STARD3: variants seen among roughly 807,000 people sequenced by gnomAD.
The protein encoded by STARD3 is StAR related lipid transfer domain containing 3, also known as stAR-related lipid transfer protein 3.
In STARD3, 39 loss-of-function variants were observed where a neutral mutation model predicts 62.0. The observed-to-expected ratio is 0.63, with a 90% CI of 0.49 to 0.82. The LOEUF is 0.82. STARD3 is among the 40% of genes least tolerant of loss of function. The pLI, the probability that STARD3 is intolerant of heterozygous loss-of-function variation, is 0.00. For synonymous variants in STARD3, 229 were observed against 242.4 expected (o/e 0.94, Z 0.51); for missense variants, 543 against 584.5 (o/e 0.93, Z 0.73).
Position 39,658,749 on chromosome 17 carries a change from C to A in STARD3, c.575C>A (p.Ala192Asp), listed in dbSNP as rs1395879303. 3 of 1,613,964 alleles carry A rather than the reference C, an allele frequency of 1.9e-6. No homozygotes were observed. In the South Asian group the frequency reaches 3.3e-5, roughly 18 times the overall value. The change falls in exon 7 of 15, where the codon GCC becomes GAC. Residue 192 changes from alanine (A) to aspartate (D), a missense_variant. Physicochemically the swap from Ala to Asp is moderately radical, Grantham distance 126 (BLOSUM62 -2). Transcript: ENST00000336308. Reference protein sequence around the residue: ...RWYLAAQVAVARGPLLFSGAL... With the variant: ...RWYLAAQVAVDRGPLLFSGAL... ...TATCTTGCCGCCCAGGTTGCTGTTGCCCGTGGACCCCTGCTGTTCTCCGGT... is the reference window on the plus strand; with the variant it reads ...TATCTTGCCGCCCAGGTTGCTGTTGACCGTGGACCCCTGCTGTTCTCCGGT...
At position 39,658,011 on chromosome 17, in the gene STARD3, G is replaced by A. The variant is rs2057149257; in HGVS notation, c.414G>A (p.Lys138=). Reference sequence around the variant, plus strand: ...TGTCCAGTGCATTCCTCATTGTCAAGGTCATCCTCTCTGAGGTCAGTGGCT... The same window carrying A: ...TGTCCAGTGCATTCCTCATTGTCAAAGTCATCCTCTCTGAGGTCAGTGGCT... ...TLVSSAFLIV[K]VILSELLSKG... Residue 138 remains lysine (K), a synonymous_variant, in exon 5 of 15, where the codon AAG becomes AAA. Transcript: ENST00000336308. 3.8e-6 allele frequency: 6 copies of A among 1,563,732 alleles called. No individual in the cohort carries two copies. The highest frequency in any genetic ancestry group is 5.2e-6 in the Non-Finnish European group (6 of 1,153,862).
chr17:39,662,909 CTG>C lies in STARD3; in HGVS notation c.*4_*5del. On this transcript the variant is annotated 3_prime_UTR_variant, in exon 15 of 15. Transcript: ENST00000336308. Reference sequence around the variant, plus strand: ...CAGCGAGCTGGGGGCCCGGGCGTGACTGTGCCCCCTCCCACCCTGCGGGCCAG... The same window carrying C: ...CAGCGAGCTGGGGGCCCGGGCGTGACTGCCCCCTCCCACCCTGCGGGCCAG... 4 of 1,609,334 alleles carry C rather than the reference CTG, an allele frequency of 2.5e-6. No individual in the cohort carries two copies. In the South Asian group the frequency reaches 3.3e-5, roughly 13 times the overall value.
At chr17:39,659,440 C>T (rs2057170154) in intron 8 of STARD3, 21 bp from the exon 9 acceptor site, 1 of 1,612,732 alleles carries the variant, frequency 6.2e-7, no homozygotes, top group African/African-American at 1.3e-5. Context: ...TGACCCCTCC[C>T]TGCCTCCTGC....
chr17:39,639,949 A>C (rs1029250086), intron 1 of STARD3, among the ~76,000 whole-genome samples: 1 of 152,126 alleles, frequency 6.6e-6, no homozygotes, highest in Non-Finnish European at 1.5e-5. Context: ...CTTCTCTGGG[A>C]GCCCACGGTC....
rs1567861516 is a variant in STARD3 at position 39,660,418 on chromosome 17, C to CGCCCTGTCCCAGACCTTCCT, written c.859-3_875dup. ...CATCTGGCACCACCCAGCCCTCTGC[C>CGCCCTGTCCCAGACCTTCCT]GCCCTGTCCCAGACCTTCCTGCCCT... On this transcript the variant is annotated splice_polypyrimidine_tract_variant and intron_variant, in intron 10 of 14. Transcript: ENST00000336308. This position sits in a 1 kb window ranked among gnomAD's most constrained non-coding sequence, Gnocchi z 4.8. 6.2e-7 allele frequency: 1 copy of CGCCCTGTCCCAGACCTTCCT among 1,613,480 alleles called. No homozygotes were observed. Among genetic ancestry groups the CGCCCTGTCCCAGACCTTCCT allele is most frequent in the Admixed American group, 1.7e-5 (1 of 60,024 alleles).
intron 1 of STARD3, among the ~76,000 whole-genome samples, chr17:39,648,111 C>G (rs1053705672): frequency 6.6e-6 from 1 of 151,950 alleles, no homozygotes; most frequent in Non-Finnish European, 1.5e-5. Flanking sequence ...CGGTGAAACC[C>G]CATCTCCACT....
At chr17:39,662,199 G>A (rs1220522634) in intron 13 of STARD3, 52 bp from the exon 14 acceptor site, 1 of 1,546,628 alleles carries the variant, frequency 6.5e-7, no homozygotes, top group Non-Finnish European at 8.9e-7. Context: ...GCGGGGGGGT[G>A]TCAGGGCCTC....
At chr17:39,662,192 G>T in intron 13 of STARD3, 59 bp from the exon 14 acceptor site, 1 of 1,495,450 alleles carries the variant, frequency 6.7e-7, no homozygotes, top group African/African-American at 1.4e-5. Flanking sequence ...AGGGGCTGCG[G>T]GGGGGTGTCA....
intron 1 of STARD3, among the ~76,000 whole-genome samples, chr17:39,645,881 C>CTTTTTTTTTTTTTTT (rs71147368): frequency 3.6e-5 from 2 of 55,666 alleles, no homozygotes; most frequent in African/African-American, 8.9e-5. Flanking sequence ...GGATTCTTGC[C>CTTTTTTTTTTTTTTT]TTTTTTTTTT....
chr17:39,658,654 T>G lies in STARD3; in HGVS notation c.548-68T>G, dbSNP rs1346958861. 4.4e-6 allele frequency: 7 copies of G among 1,596,376 alleles called. No homozygotes were observed. In the African/African-American group the frequency reaches 9.4e-5, roughly 21 times the overall value. On this transcript the variant is annotated intron_variant, in intron 6 of 14. Coordinates refer to ENST00000336308, the MANE Select transcript of STARD3 (RefSeq NM_006804.4). ...GCCTCCAGTAGCCTGAGGGGGAGCTTGGGTGGGGGTACCCCAGGCTGCTAG... is the reference window on the plus strand; with the variant it reads ...GCCTCCAGTAGCCTGAGGGGGAGCTGGGGTGGGGGTACCCCAGGCTGCTAG...
chr17:39,654,650 C>G (rs2057110327), intron 2 of STARD3, among the ~76,000 whole-genome samples: 1 of 152,182 alleles, frequency 6.6e-6, no homozygotes, highest in Admixed American at 6.5e-5. Flanking sequence ...AGGCTCAGTT[C>G]TGTCCCAGCT....
At chr17:39,639,544 C>T (rs1201353408) in intron 1 of STARD3, among the ~76,000 whole-genome samples, 2 of 152,200 alleles carry the variant, frequency 1.3e-5, no homozygotes, top group Admixed American at 1.3e-4. Flanking sequence ...AAGCTGGGTC[C>T]TCTGAACAGA....
intron 1 of STARD3, among the ~76,000 whole-genome samples, chr17:39,641,127 C>T (rs2056979569): frequency 6.6e-6 from 1 of 151,306 alleles, no homozygotes; most frequent in Non-Finnish European, 1.5e-5. Flanking sequence ...TGGGAACCTA[C>T]TCCCAAGTTT....
chr17:39,653,584 C>G lies in STARD3; in HGVS notation c.53C>G (p.Ala18Gly). 1 of 1,610,758 alleles carries G rather than the reference C, an allele frequency of 6.2e-7. No individual in the cohort carries two copies. The highest frequency in any genetic ancestry group is 1.7e-5 in the Admixed American group (1 of 60,016). ...CGAGACTTGGAGCGCAGCCTGCCTG[C>G]CGTGGCCTCCCTGGGCTCCTCACTG... ...LTRDLERSLP[A>G]VASLGSSLSH... The change falls in exon 2 of 15, where the codon GCC becomes GGC. Residue 18 changes from alanine to glycine, a missense_variant. Transcript: ENST00000336308.
intron 9 of STARD3, 96 bp downstream of exon 9, chr17:39,659,649 T>A: frequency 7.7e-7 from 1 of 1,296,666 alleles, no homozygotes; most frequent in Non-Finnish European, 1.1e-6. Flanking sequence ...ATTACATGGG[T>A]TGGAGCCATA....
In STARD3 at chr17:39,649,655, T is replaced by C. The variant is rs149174339; in HGVS notation, c.-51-3826T>C. ...GCCAAGGCAGGCAGATCACCTGAGG[T>C]TGGGAATTCAAGACCAGCCTGGCCA... On this transcript the variant is annotated intron_variant, in intron 1 of 14. Coordinates refer to ENST00000336308, the MANE Select transcript of STARD3 (RefSeq NM_006804.4). Among the ~76,000 whole-genome samples the C allele has an allele frequency of 8.7e-3, 1,303 of 150,128 alleles. 19 individuals carry two copies. The highest frequency in any genetic ancestry group is 0.031 in the African/African-American group (1,256 of 40,830).
Position 39,657,697 on chromosome 17 carries a change from G to T in STARD3, c.298-78G>T. On this transcript the variant is annotated intron_variant, in intron 3 of 14. Coordinates refer to ENST00000336308, the MANE Select transcript of STARD3 (RefSeq NM_006804.4). ...CCATAGGAAGGGAACGTGGGGGCAG[G>T]ACCAGAGGGGAGGTCAGCCTGCAGC... 2.0e-6 allele frequency: 3 copies of T among 1,528,268 alleles called. No homozygotes were observed. In the South Asian group the frequency reaches 3.4e-5, roughly 17 times the overall value. The allele number at this position is 1,528,268 out of a possible 1,614,324, so 94.7% of individuals were successfully genotyped here. A position where few individuals can be genotyped will look rare whatever the true frequency, so the allele number is the denominator to read the frequency against.
At position 39,663,096 on chromosome 17, in the gene STARD3, C is replaced by T; in HGVS notation, c.*188C>T. 1 of 549,668 alleles carries T rather than the reference C, an allele frequency of 1.8e-6. No homozygotes were observed. The highest frequency in any genetic ancestry group is 3.0e-6 in the Non-Finnish European group (1 of 327,950). The allele number at this position is 549,668 out of a possible 1,614,324, so 34.0% of individuals were successfully genotyped here. On this transcript the variant is annotated 3_prime_UTR_variant, in exon 15 of 15. Transcript: ENST00000336308. ...GGGGTGGAGCACTGGACTCCGGGGC[C>T]CCACTGGCTGGAGGAAGTGGGGTCT... is the stretch of plus-strand genomic sequence containing the variant.
chr17:39,660,218 G>A lies in STARD3; in HGVS notation c.803G>A (p.Gly268Glu), dbSNP rs1434993440. The A allele has an allele frequency of 6.2e-7, 1 of 1,613,998 alleles. No individual in the cohort carries two copies. The highest frequency in any genetic ancestry group is 1.7e-5 in the Admixed American group (1 of 60,012). ...NWKFEKNNEY[G>E]DTVYTIEVPF... ...CTTCTGTCCCTGCCATAGGAATATG[G>A]GGACACCGTGTACACCATTGAAGTT... Residue 268 changes from glycine (G) to glutamate (E), a missense_variant, in exon 10 of 15, where the codon GGG becomes GAG. Coordinates refer to ENST00000336308, the MANE Select transcript of STARD3 (RefSeq NM_006804.4). The surrounding 1 kb of genome is among the most constrained non-coding windows in gnomAD (Gnocchi z 4.8).
Sources: allele counts gnomAD v4.1 joint callset (sites outside exome capture counted in the v4.1 genomes callset), GRCh38; gene constraint gnomAD v4.1.1; non-coding constraint Gnocchi (gnomAD v3.1); transcripts MANE v1.5; gene names NCBI Gene and HGNC (gene_info 2026-07-23, HGNC 2026-07-21).